ST6GALNAC5: variants seen among roughly 807,000 people sequenced by gnomAD.
ST6GALNAC5 encodes the protein alpha-N-acetylgalactosaminide alpha-2,6-sialyltransferase 5.
ST6GALNAC5 carries 27 observed loss-of-function variants against 33.6 expected under a neutral mutation model. The ratio of observed to expected loss-of-function variants is 0.80; its 90% confidence interval spans 0.59 to 1.11. The LOEUF is 1.11. Among genes scored for constraint, ST6GALNAC5 ranks in the 50% least tolerant of loss-of-function variants. The pLI is 0.00. For synonymous variants in ST6GALNAC5, 194 were observed against 171.2 expected (o/e 1.13, Z -1.04); for missense variants, 428 against 454.0 (o/e 0.94, Z 0.52).
chr1:76,935,215 G>A (rs1647188396), intron 2 of ST6GALNAC5, among the ~76,000 whole-genome samples: 1 of 151,896 alleles, frequency 6.6e-6, no homozygotes, highest in African/African-American at 2.4e-5. Flanking sequence ...GGAAATACGT[G>A]GGAAATAAAT....
At chr1:76,911,162 A>C (rs1646907578) in intron 2 of ST6GALNAC5, among the ~76,000 whole-genome samples, 2 of 152,156 alleles carry the variant, frequency 1.3e-5, no homozygotes, top group Non-Finnish European at 2.9e-5. Context: ...AGTGTTGTTG[A>C]ATTTTGTCAA....
chr1:77,020,968 T>C (rs1651032880), intron 2 of ST6GALNAC5, among the ~76,000 whole-genome samples: 1 of 152,278 alleles, frequency 6.6e-6, no homozygotes, highest in South Asian at 2.1e-4. Flanking sequence ...CAGCATCAAG[T>C]ATCCCAAGAC....
intron 2 of ST6GALNAC5, among the ~76,000 whole-genome samples, chr1:76,966,762 G>A (rs977020420): frequency 6.6e-6 from 1 of 152,196 alleles, no homozygotes; most frequent in Admixed American, 6.5e-5. Context: ...ATTATTTTGA[G>A]ATACGTTCCA....
chr1:76,960,086 A>G (rs1648167496), intron 2 of ST6GALNAC5, among the ~76,000 whole-genome samples: 1 of 152,182 alleles, frequency 6.6e-6, no homozygotes, highest in Non-Finnish European at 1.5e-5. Flanking sequence ...CTATGTTGGT[A>G]TATTCACCAG....
chr1:76,942,196 G>A (rs1647358470), intron 2 of ST6GALNAC5, among the ~76,000 whole-genome samples: 1 of 152,008 alleles, frequency 6.6e-6, no homozygotes, highest in African/African-American at 2.4e-5. Flanking sequence ...ACTCATAATT[G>A]GCCTTTTGTC....
chr1:76,949,631 G>A (rs548337307), intron 2 of ST6GALNAC5, among the ~76,000 whole-genome samples: 1 of 152,176 alleles, frequency 6.6e-6, no homozygotes, highest in African/African-American at 2.4e-5. Flanking sequence ...TCCTGCCTCT[G>A]TAATTGAGGT....
At chr1:76,915,052 A>G (rs1646955592) in intron 2 of ST6GALNAC5, among the ~76,000 whole-genome samples, 5 of 151,858 alleles carry the variant, frequency 3.3e-5, no homozygotes, top group African/African-American at 9.7e-5. Context: ...GACACTTCTC[A>G]AAAGAAGACA....
intron 2 of ST6GALNAC5, among the ~76,000 whole-genome samples, chr1:76,973,231 G>A (rs558903714): frequency 6.6e-6 from 1 of 151,664 alleles, no homozygotes; most frequent in Non-Finnish European, 1.5e-5. Flanking sequence ...GAACCAATAA[G>A]ATATATATAA....
At chr1:76,953,357 C>T (rs1647829909) in intron 2 of ST6GALNAC5, among the ~76,000 whole-genome samples, 1 of 152,020 alleles carries the variant, frequency 6.6e-6, no homozygotes, top group African/African-American at 2.4e-5. Flanking sequence ...CACTGTTTTC[C>T]ATTTTAGCAG....
intron 2 of ST6GALNAC5, among the ~76,000 whole-genome samples, chr1:76,959,616 T>C (rs557952784): frequency 6.6e-6 from 1 of 152,346 alleles, no homozygotes; most frequent in African/African-American, 2.4e-5. Flanking sequence ...TGTGAGTTTC[T>C]TAAGAAAGTT....
At chr1:77,007,396 A>G (rs12065122) in intron 2 of ST6GALNAC5, among the ~76,000 whole-genome samples, 105,740 of 152,056 alleles carry the variant, frequency 0.7, 37,242 homozygotes, top group Non-Finnish European at 0.75. Context: ...GAATCTACTC[A>G]TGTCTGGAAC....
chr1:76,905,373 A>G (rs1235798950), intron 2 of ST6GALNAC5, among the ~76,000 whole-genome samples: 2 of 152,140 alleles, frequency 1.3e-5, no homozygotes, highest in South Asian at 2.1e-4. Flanking sequence ...TCTTAACGTC[A>G]GGTTAACAAT....
Position 77,063,016 on chromosome 1 carries a change from C to T in ST6GALNAC5, c.821C>T (p.Pro274Leu), listed in dbSNP as rs754897475. ...HPSVPYHYYE[P>L]FGPDECTMYL... ...TCAGTACCTTATCATTATTATGAAC[C>T]TTTTGGACCTGATGAATGTACAATG... Residue 274 changes from proline to leucine, a missense_variant, in exon 5 of 5, where the codon CCT becomes CTT. Physicochemically the swap from Pro to Leu is moderately conservative, Grantham distance 98. Transcript: ENST00000477717. 6.2e-7 allele frequency: 1 copy of T among 1,613,726 alleles called. No homozygotes were observed. Among genetic ancestry groups the T allele is most frequent in the East Asian group, 2.2e-5 (1 of 44,860 alleles).
At chr1:76,949,895 G>A (rs930145315) in intron 2 of ST6GALNAC5, among the ~76,000 whole-genome samples, 1 of 152,140 alleles carries the variant, frequency 6.6e-6, no homozygotes, top group Non-Finnish European at 1.5e-5. Context: ...CTTTGCACCT[G>A]TCGCTGAGCT....
intron 2 of ST6GALNAC5, among the ~76,000 whole-genome samples, chr1:77,001,133 G>C (rs1474972941): frequency 6.6e-6 from 1 of 151,048 alleles, no homozygotes; most frequent in Non-Finnish European, 1.5e-5. Flanking sequence ...AGCATGGAAT[G>C]TTCTTCCATT....
intron 2 of ST6GALNAC5, among the ~76,000 whole-genome samples, chr1:76,974,773 C>CTTTTTT (rs60357939): frequency 0.014 from 491 of 35,240 alleles, 61 homozygotes; most frequent in East Asian, 0.016. Flanking sequence ...TTCTTTCTTT[C>CTTTTTT]TTTTTTTTTT....
chr1:76,877,946 T>C (rs1653685223), intron 2 of ST6GALNAC5, among the ~76,000 whole-genome samples: 1 of 152,224 alleles, frequency 6.6e-6, no homozygotes, highest in Non-Finnish European at 1.5e-5. Context: ...TATGAGGAGA[T>C]GTGTTAATTT....
intron 2 of ST6GALNAC5, among the ~76,000 whole-genome samples, chr1:76,901,218 G>T (rs1478561747): frequency 6.6e-6 from 1 of 152,202 alleles, no homozygotes; most frequent in Admixed American, 6.5e-5. Context: ...TGGATTCATA[G>T]GATACATTGT....
intron 4 of ST6GALNAC5, among the ~76,000 whole-genome samples, chr1:77,051,807 G>T (rs992338423): frequency 6.6e-6 from 1 of 152,058 alleles, no homozygotes; most frequent in African/African-American, 2.4e-5. Context: ...GGCACTTATG[G>T]GCATGCAAAG....
Sources: gnomAD v4.1 joint callset for allele counts (sites outside exome capture counted in the v4.1 genomes callset) on GRCh38, gnomAD v4.1.1 for gene constraint, MANE v1.5 for transcripts, NCBI Gene and HGNC (gene_info 2026-07-23, HGNC 2026-07-21) for gene names.